The following NAPG variants were observed in gnomAD, a reference collection of about 807,000 sequenced individuals.
NAPG encodes the protein gamma-soluble NSF attachment protein.
Under a neutral mutation model 48.4 loss-of-function variants are expected in NAPG, and 25 were observed. The ratio of observed to expected loss-of-function variants is 0.52; its 90% CI spans 0.38 to 0.72. NAPG has a LOEUF of 0.72. NAPG is among the 30% of genes least tolerant of loss of function. The pLI, the probability that NAPG is intolerant of heterozygous loss-of-function variation, is 0.00. For missense variants in NAPG, 359 were observed against 372.5 expected (o/e 0.96, Z 0.30); for synonymous variants, 139 against 127.2 (o/e 1.09, Z -0.62).
chr18:10,547,054 A>G (rs2032282535), intron 9 of NAPG, among the ~76,000 whole-genome samples: 2 of 152,212 alleles, frequency 1.3e-5, no homozygotes, highest in South Asian at 4.1e-4. Flanking sequence ...TGTGGCCCAC[A>G]CAAGTCTTGG....
chr18:10,527,588 G>T (rs1180365737), intron 1 of NAPG, among the ~76,000 whole-genome samples: 1 of 152,234 alleles, frequency 6.6e-6, no homozygotes, highest in Non-Finnish European at 1.5e-5. Context: ...AACCCAGAGG[G>T]AGAAGTTTAT....
rs576986534 is a variant in NAPG, at chr18:10,542,095, T to A, written c.506+1696T>A. ...CCATTGTTTTAAAGCAATTACTGTG[T>A]TAAATTCTTCAAAGCCTCAGCAGAG... On this transcript the variant is annotated intron_variant, in intron 8 of 11. Transcript: ENST00000322897. The surrounding 1 kb of genome is among the most constrained non-coding windows in gnomAD (Gnocchi z 4.5). 2.6e-5 allele frequency among the ~76,000 whole-genome samples: 4 copies of A among 152,322 alleles called. No homozygotes were observed. Among genetic ancestry groups the A allele is most frequent in the African/African-American group, 9.6e-5 (4 of 41,572 alleles).
At chr18:10,535,665 G>A (rs1396594084) in intron 5 of NAPG, among the ~76,000 whole-genome samples, 1 of 152,204 alleles carries the variant, frequency 6.6e-6, no homozygotes, top group Non-Finnish European at 1.5e-5. Flanking sequence ...GGAGGCTGAG[G>A]CAGGAGAATT....
intron 1 of NAPG, among the ~76,000 whole-genome samples, chr18:10,527,532 G>A (rs61656385): frequency 0.056 from 8,526 of 152,240 alleles, 714 homozygotes; most frequent in African/African-American, 0.19. Context: ...TAAGAATAGT[G>A]TGTGGAATAG....
chr18:10,534,391 A>T lies in NAPG; in HGVS notation c.228-75A>T. 2 of 1,254,064 alleles carry T rather than the reference A, an allele frequency of 1.6e-6. No individual in the cohort carries two copies. The highest frequency in any genetic ancestry group is 2.3e-6 in the Non-Finnish European group (2 of 856,244). 77.7% of individuals were successfully genotyped at this position (1,254,064 alleles called of 1,614,324 possible). A position where few individuals can be genotyped will look rare whatever the true frequency, so the allele number is the denominator to read the frequency against. On this transcript the variant is annotated intron_variant, in intron 4 of 11. Coordinates refer to ENST00000322897, the MANE Select transcript of NAPG (RefSeq NM_003826.3). This position sits in a 1 kb window ranked among gnomAD's most constrained non-coding sequence, Gnocchi z 5.0. ...AATTGAAGTCACTTTCCTTACCAGTAGTTCCTCACCAGAAAGTTTCTTCTA... is the reference window on the plus strand; with the variant it reads ...AATTGAAGTCACTTTCCTTACCAGTTGTTCCTCACCAGAAAGTTTCTTCTA...
Position 10,540,318 on chromosome 18 carries a change from G to C in NAPG, c.436-11G>C, listed in dbSNP as rs2032126082. 2 of 1,610,604 alleles carry C rather than the reference G, an allele frequency of 1.2e-6. No homozygotes were observed. Among genetic ancestry groups the C allele is most frequent in the Non-Finnish European group, 1.7e-6 (2 of 1,178,090 alleles). On this transcript the variant is annotated splice_polypyrimidine_tract_variant and intron_variant, in intron 7 of 11. Coordinates refer to ENST00000322897, the MANE Select transcript of NAPG (RefSeq NM_003826.3). ...AAGCAGCCAACACTTGTTTTTCTTT[G>C]ATTCCTTCAGAATGAAGAACGCTTA...
At chr18:10,529,269 G>C (rs2031881282) in intron 1 of NAPG, among the ~76,000 whole-genome samples, 1 of 152,178 alleles carries the variant, frequency 6.6e-6, no homozygotes, top group African/African-American at 2.4e-5. Flanking sequence ...TTAGCATTTT[G>C]CATATTGCAT....
At chr18:10,527,561 A>G (rs1434289581) in intron 1 of NAPG, among the ~76,000 whole-genome samples, 1 of 152,238 alleles carries the variant, frequency 6.6e-6, no homozygotes, top group Admixed American at 6.5e-5. Context: ...AAAAAGCTGT[A>G]TTAACTGTGC....
In NAPG at chr18:10,533,548, T is replaced by C. The variant is rs748988999; in HGVS notation, c.222T>C (p.Ala74=). 6 of 1,600,258 alleles carry C rather than the reference T, an allele frequency of 3.7e-6. No individual in the cohort carries two copies. In the African/African-American group the frequency reaches 8.1e-5, roughly 22 times the overall value. Residue 74 remains alanine, a synonymous_variant, in exon 4 of 12, where the codon GCT becomes GCC. Coordinates refer to ENST00000322897, the MANE Select transcript of NAPG (RefSeq NM_003826.3). ...TACTTCCATTCAGTCTTTTTCATGC[T>C]GCCAAGTAAGTATTCTTCATGTTTT... ...AHENNRALFH[A]AKAYEQAGMM...
Position 10,552,207 on chromosome 18 carries a change from G to A in NAPG, c.*1987G>A, listed in dbSNP as rs985637528. 6 of 152,192 alleles carry A rather than the reference G, an allele frequency of 3.9e-5. No individual in the cohort carries two copies. The highest frequency in any genetic ancestry group is 3.3e-4 in the Admixed American group (5 of 15,290). 9.4% of individuals were successfully genotyped at this position (152,192 alleles called of 1,614,324 possible). On this transcript the variant is annotated 3_prime_UTR_variant, in exon 12 of 12. Coordinates refer to ENST00000322897, the MANE Select transcript of NAPG (RefSeq NM_003826.3). Reference sequence around the variant, plus strand: ...ACTGAAAACTTTTTTTAAAAAAGGTGATGATGAAGTGCATTCTGTAGCAGC... The same window carrying A: ...ACTGAAAACTTTTTTTAAAAAAGGTAATGATGAAGTGCATTCTGTAGCAGC...
chr18:10,546,241 C>CT lies in NAPG; in HGVS notation c.507-84dup. Reference sequence around the variant, plus strand: ...CCTGTCCTCCTGGTGTCTCTACAATCTATGATGTCAAGTACATTTCACAGG... The same window carrying CT: ...CCTGTCCTCCTGGTGTCTCTACAATCTTATGATGTCAAGTACATTTCACAGG... On this transcript the variant is annotated intron_variant, in intron 8 of 11. Transcript: ENST00000322897. This position sits in a 1 kb window ranked among gnomAD's most constrained non-coding sequence, Gnocchi z 4.0. 1.2e-6 allele frequency: 1 copy of CT among 805,576 alleles called. No homozygotes were observed. The highest frequency in any genetic ancestry group is 3.0e-5 in the East Asian group (1 of 33,398). The allele number at this position is 805,576 out of a possible 1,614,324, so 49.9% of individuals were successfully genotyped here.
chr18:10,537,095 T>C (rs2032051004), intron 5 of NAPG, among the ~76,000 whole-genome samples: 1 of 152,086 alleles, frequency 6.6e-6, no homozygotes, highest in Non-Finnish European at 1.5e-5. Context: ...TAGCTGGGAC[T>C]ATAGGTGCAT....
Position 10,550,727 on chromosome 18 carries a change from A to T in NAPG, c.*507A>T, listed in dbSNP as rs184671071. 351 of 153,038 alleles carry T rather than the reference A, an allele frequency of 2.3e-3. 1 individual carries two copies. The highest frequency in any genetic ancestry group is 3.7e-3 in the Non-Finnish European group (254 of 68,544). 9.5% of individuals were successfully genotyped at this position (153,038 alleles called of 1,614,324 possible). On this transcript the variant is annotated 3_prime_UTR_variant, in exon 12 of 12. Coordinates refer to ENST00000322897, the MANE Select transcript of NAPG (RefSeq NM_003826.3). ...TTTAAATTATTAAGTCTTTTCAGAG[A>T]TGAGATGGGGACAGGAAGTTATTTT...
At chr18:10,547,688 G>A (rs376659837) in intron 9 of NAPG, among the ~76,000 whole-genome samples, 11 of 152,144 alleles carry the variant, frequency 7.2e-5, no homozygotes, top group East Asian at 5.8e-4. Flanking sequence ...CTTAAAGATA[G>A]ATCAGTAAAA....
chr18:10,539,479 A>T lies in NAPG; in HGVS notation c.259-283A>T. 1 of 302,326 alleles carries T rather than the reference A, an allele frequency of 3.3e-6. No individual in the cohort carries two copies. Among genetic ancestry groups the T allele is most frequent in the Non-Finnish European group, 6.3e-6 (1 of 159,172 alleles). 18.7% of individuals were successfully genotyped at this position (302,326 alleles called of 1,614,324 possible). A position where few individuals can be genotyped will look rare whatever the true frequency, so the allele number is the denominator to read the frequency against. ...TTGAACCACAAGGACACATGGACACAGGGAGGGGAACATCACACTCCTGGG... is the reference window on the plus strand; with the variant it reads ...TTGAACCACAAGGACACATGGACACTGGGAGGGGAACATCACACTCCTGGG... On this transcript the variant is annotated intron_variant, in intron 5 of 11. Transcript: ENST00000322897. The surrounding 1 kb of genome is among the most constrained non-coding windows in gnomAD (Gnocchi z 4.7).
At chr18:10,532,835 A>G in intron 3 of NAPG, 40 bp downstream of exon 3, 3 of 1,479,822 alleles carry the variant, frequency 2.0e-6, no homozygotes, top group Non-Finnish European at 2.7e-6. Flanking sequence ...AAACAATTAG[A>G]TGATTTTGAC....
intron 3 of NAPG, 57 bp from the exon 4 acceptor site, chr18:10,533,479 A>G: frequency 6.7e-7 from 1 of 1,493,128 alleles, no homozygotes; most frequent in Non-Finnish European, 9.1e-7. Context: ...GTTGATCTAT[A>G]GAAACTATTG....
Position 10,548,313 on chromosome 18 carries a change from A to G in NAPG, c.600A>G (p.Gln200=). 1 of 1,613,098 alleles carries G rather than the reference A, an allele frequency of 6.2e-7. No individual in the cohort carries two copies. The highest frequency in any genetic ancestry group is 8.5e-7 in the Non-Finnish European group (1 of 1,179,198). The change falls in exon 10 of 12, where the codon CAA becomes CAG. Residue 200 remains glutamine (Q), a synonymous_variant. Transcript: ENST00000322897. This position sits in a 1 kb window ranked among gnomAD's most constrained non-coding sequence, Gnocchi z 4.4. ...YPTCYKKTIA[Q]VLVHLHRNDY... Reference sequence around the variant, plus strand: ...TTTTGTTTTAGAAAACAATTGCTCAAGTCTTAGTTCATCTACACAGAAATG... The same window carrying G: ...TTTTGTTTTAGAAAACAATTGCTCAGGTCTTAGTTCATCTACACAGAAATG...
rs1019187309 is a variant in NAPG at position 10,543,218 on chromosome 18, A to C, written c.506+2819A>C. Among the ~76,000 whole-genome samples, 1 of 152,074 alleles carries C rather than the reference A, an allele frequency of 6.6e-6. No individual in the cohort carries two copies. The highest frequency in any genetic ancestry group is 2.4e-5 in the African/African-American group (1 of 41,402). On this transcript the variant is annotated intron_variant, in intron 8 of 11. Coordinates refer to ENST00000322897, the MANE Select transcript of NAPG (RefSeq NM_003826.3). The surrounding 1 kb of genome is among the most constrained non-coding windows in gnomAD (Gnocchi z 4.4). ...ACCTTGTGCCTCTGAGAGAAGGTCT[A>C]TGCCTCTGAGACAAGGTGTGTGGTC...
Sources: gnomAD v4.1 joint callset for allele counts (sites outside exome capture counted in the v4.1 genomes callset) on GRCh38, gnomAD v4.1.1 for gene constraint, Gnocchi (gnomAD v3.1) non-coding constraint, MANE v1.5 for transcripts, NCBI Gene and HGNC (gene_info 2026-07-23, HGNC 2026-07-21) for gene names.